Variants in RHOJ observed in about 807,000 individuals in gnomAD.
The protein encoded by RHOJ is ras homolog family member J.
In RHOJ, 11 loss-of-function variants were observed where a neutral mutation model predicts 23.4. The observed-to-expected ratio is 0.47, with a 90% CI of 0.30 to 0.78. The LOEUF (loss-of-function observed/expected upper bound fraction) is 0.78, where lower values mean the gene tolerates loss of function less well. Ranked by LOEUF, RHOJ falls within the 30% of genes least tolerant of loss-of-function variation. The probability of loss-of-function intolerance (pLI) is 0.08; values close to 1 mark genes in which losing one functional copy is unlikely to be tolerated. For synonymous variants in RHOJ, 102 were observed against 102.7 expected (o/e 0.99, Z 0.04); for missense variants, 254 against 273.4 (o/e 0.93, Z 0.50).
intron 1 of RHOJ, among the ~76,000 whole-genome samples, chr14:63,258,096 C>T (rs1312296977): frequency 9.4e-5 from 14 of 149,394 alleles, no homozygotes; most frequent in Admixed American, 6.7e-5. Flanking sequence ...GGCTCAGTGG[C>T]GGGCGCCTGT....
intron 1 of RHOJ, among the ~76,000 whole-genome samples, chr14:63,241,225 G>A (rs1894878494): frequency 1.3e-5 from 2 of 152,276 alleles, no homozygotes; most frequent in Admixed American, 1.3e-4. Context: ...TAAGCAGGGA[G>A]TCAAAAATTC....
At chr14:63,260,428 A>C (rs1022806566) in intron 1 of RHOJ, among the ~76,000 whole-genome samples, 9 of 152,198 alleles carry the variant, frequency 5.9e-5, no homozygotes, top group African/African-American at 2.2e-4. Flanking sequence ...TCTGAGAGTC[A>C]ATCTAGGAGA....
intron 2 of RHOJ, among the ~76,000 whole-genome samples, chr14:63,275,640 G>C (rs1259562599): frequency 1.3e-5 from 2 of 152,078 alleles, no homozygotes; most frequent in African/African-American, 4.8e-5. Context: ...CCCAATCCTA[G>C]CCTCTTTGTC....
intron 4 of RHOJ, among the ~76,000 whole-genome samples, chr14:63,289,954 G>A (rs7146450): frequency 0.24 from 37,059 of 151,820 alleles, 10,083 homozygotes; most frequent in African/African-American, 0.68. Context: ...CTTTTAAAGT[G>A]TGTTAAGGCT....
At chr14:63,290,071 C>A (rs1049075386) in intron 4 of RHOJ, among the ~76,000 whole-genome samples, 2 of 151,804 alleles carry the variant, frequency 1.3e-5, no homozygotes, top group Non-Finnish European at 2.9e-5. Flanking sequence ...GGGAAAACCC[C>A]GTCTCTACTA....
chr14:63,248,873 G>A (rs1895020799), intron 1 of RHOJ, among the ~76,000 whole-genome samples: 1 of 152,148 alleles, frequency 6.6e-6, no homozygotes, highest in South Asian at 2.1e-4. Flanking sequence ...AGCTCCTGGA[G>A]CTGCCTCCTT....
intron 4 of RHOJ, among the ~76,000 whole-genome samples, chr14:63,288,805 G>A (rs543532902): frequency 3.7e-4 from 56 of 152,222 alleles, no homozygotes; most frequent in African/African-American, 1.1e-3. Flanking sequence ...AATCTCTGTC[G>A]GAGAGTTTAG....
intron 2 of RHOJ, among the ~76,000 whole-genome samples, chr14:63,270,394 G>A (rs1317538757): frequency 6.6e-6 from 1 of 152,218 alleles, no homozygotes; most frequent in East Asian, 1.9e-4. Context: ...AAGAGCATCC[G>A]GCGTCCCCTC....
intron 1 of RHOJ, among the ~76,000 whole-genome samples, chr14:63,221,720 C>T (rs1894497663): frequency 6.6e-6 from 1 of 152,222 alleles, no homozygotes; most frequent in Non-Finnish European, 1.5e-5. Context: ...CATCCCCCTT[C>T]AGAGGCTCTG....
At chr14:63,210,600 C>A (rs1414193877) in intron 1 of RHOJ, among the ~76,000 whole-genome samples, 1 of 152,198 alleles carries the variant, frequency 6.6e-6, no homozygotes, top group African/African-American at 2.4e-5. Context: ...ACCTTTAGAG[C>A]TTTCACAGCT....
At chr14:63,276,287 A>G (rs927115675) in intron 2 of RHOJ, among the ~76,000 whole-genome samples, 1 of 152,212 alleles carries the variant, frequency 6.6e-6, no homozygotes, top group African/African-American at 2.4e-5. Flanking sequence ...ATGCTGCTGG[A>G]CTGAAGAGCG....
In RHOJ at chr14:63,222,303, A is replaced by G. The variant is rs928134866; in HGVS notation, c.178+17256A>G. Among the ~76,000 whole-genome samples the G allele has an allele frequency of 2.9e-4, 44 of 152,228 alleles. 1 individual carries two copies. The highest frequency in any genetic ancestry group is 1.4e-3 in the Admixed American group (21 of 15,294). On this transcript the variant is annotated intron_variant, in intron 1 of 4. Coordinates refer to ENST00000316754, the MANE Select transcript of RHOJ (RefSeq NM_020663.5). ...TAAACATACGTGTGCGTGTGTCTTT[A>G]TAGCAGCATGATTTACAATCCTTTG...
chr14:63,291,542 TAATCC>T lies in RHOJ; in HGVS notation c.*520_*524del, dbSNP rs1209027592. ...AATTTCCAGTTCACTCAGGCCTTAC[TAATCC>T]ATACCAAATTAGCCTAAAGACAAGG... is the stretch of plus-strand genomic sequence containing the variant. On this transcript the variant is annotated 3_prime_UTR_variant, in exon 5 of 5. Coordinates refer to ENST00000316754, the MANE Select transcript of RHOJ (RefSeq NM_020663.5). 1 of 172,002 alleles carries T rather than the reference TAATCC, an allele frequency of 5.8e-6. No individual in the cohort carries two copies. The highest frequency in any genetic ancestry group is 1.7e-4 in the East Asian group (1 of 5,822). The allele number at this position is 172,002 out of a possible 1,614,324, so 10.7% of individuals were successfully genotyped here.
At chr14:63,262,714 A>T (rs1455556787) in intron 1 of RHOJ, among the ~76,000 whole-genome samples, 1 of 152,196 alleles carries the variant, frequency 6.6e-6, no homozygotes, top group East Asian at 1.9e-4. Flanking sequence ...CATTTCGAAG[A>T]ACTTTATTCT....
intron 4 of RHOJ, among the ~76,000 whole-genome samples, chr14:63,287,318 C>T (rs1460713287): frequency 6.6e-6 from 1 of 152,200 alleles, no homozygotes; most frequent in Admixed American, 6.5e-5. Context: ...CTTAGCCTCT[C>T]TGGGTATCAG....
In RHOJ at chr14:63,205,119, C is replaced by A; in HGVS notation, c.178+72C>A. 2.7e-6 allele frequency: 4 copies of A among 1,503,180 alleles called. No individual in the cohort carries two copies. In the South Asian group the frequency reaches 5.1e-5, roughly 19 times the overall value. The allele number at this position is 1,503,180 out of a possible 1,614,324, so 93.1% of individuals were successfully genotyped here. A position where few individuals can be genotyped will look rare whatever the true frequency, so the allele number is the denominator to read the frequency against. ...GGGCGAGACCCTAAGTTCAGAGGGG[C>A]CTGGCTCATTTCTAATGTCAGTATT... On this transcript the variant is annotated intron_variant, in intron 1 of 4. Coordinates refer to ENST00000316754, the MANE Select transcript of RHOJ (RefSeq NM_020663.5).
chr14:63,281,096 C>T lies in RHOJ; in HGVS notation c.363C>T (p.Asp121=), dbSNP rs1253179137. The change falls in exon 3 of 5, where the codon GAC becomes GAT. Residue 121 remains aspartate, a synonymous_variant. Transcript: ENST00000316754. The part of the protein sequence containing the change: ...VQEEWVPELK[D]CMPHVPYVLI... ...AGGAATGGGTCCCCGAGCTCAAGGA[C>T]TGCATGCCTCACGTGCCTTATGTCC... 2 of 1,614,044 alleles carry T rather than the reference C, an allele frequency of 1.2e-6. No homozygotes were observed. The highest frequency in any genetic ancestry group is 1.7e-6 in the Non-Finnish European group (2 of 1,179,960).
chr14:63,238,498 C>T (rs1445587285), intron 1 of RHOJ, among the ~76,000 whole-genome samples: 1 of 152,184 alleles, frequency 6.6e-6, no homozygotes, highest in Non-Finnish European at 1.5e-5. Context: ...CTCACTGCAA[C>T]TTCTGCCTTC....
chr14:63,205,467 G>A (rs548550361), intron 1 of RHOJ, among the ~76,000 whole-genome samples: 12 of 152,244 alleles, frequency 7.9e-5, no homozygotes, highest in African/African-American at 1.4e-4. Context: ...CGCTCTTTGC[G>A]TATTCACCTC....
Sources: gnomAD v4.1 joint callset for allele counts (sites outside exome capture counted in the v4.1 genomes callset) on GRCh38, gnomAD v4.1.1 for gene constraint, MANE v1.5 for transcripts, NCBI Gene and HGNC (gene_info 2026-07-23, HGNC 2026-07-21) for gene names.